Variants in GRM4 observed in about 807,000 individuals in gnomAD.
GRM4 encodes glutamate metabotropic receptor 4.
A neutral mutation model predicts 81.7 loss-of-function variants in GRM4; 28 were observed. The observed-to-expected ratio is 0.34, with a 90% CI of 0.25 to 0.47. GRM4 has a LOEUF of 0.47. Ranked by LOEUF, GRM4 falls within the 20% of genes least tolerant of loss-of-function variation. The pLI is 1.00. For missense variants in GRM4, 948 were observed against 1,290.0 expected (o/e 0.73, Z 4.06); for synonymous variants, 488 against 528.8 (o/e 0.92, Z 1.06).
chr6:34,046,197 C>A (rs1446249820), intron 6 of GRM4, among the ~76,000 whole-genome samples: 2 of 152,180 alleles, frequency 1.3e-5, no homozygotes, highest in Non-Finnish European at 2.9e-5. Flanking sequence ...CAAAATCCAC[C>A]ACACAGACAC....
At chr6:34,102,083 C>T (rs1768871201) in intron 2 of GRM4, 2 of 1,535,452 alleles carry the variant, frequency 1.3e-6, no homozygotes, top group Non-Finnish European at 1.7e-6. Flanking sequence ...TCTCTTGGCG[C>T]CATCATGGGG....
chr6:34,088,567 A>C (rs1174680740), intron 3 of GRM4, among the ~76,000 whole-genome samples: 1 of 152,126 alleles, frequency 6.6e-6, no homozygotes, highest in Non-Finnish European at 1.5e-5. Context: ...CTGACCTCTT[A>C]AGCACCTGCC....
In GRM4 at chr6:34,059,537, C is replaced by T. The variant is rs2451360; in HGVS notation, c.873-409G>A. Reference sequence around the variant, plus strand: ...GGCTCATCCACCCCCACATTCCTTGCCCATTCTCACACGCATCCACCATCA... The same window carrying T: ...GGCTCATCCACCCCCACATTCCTTGTCCATTCTCACACGCATCCACCATCA... On this transcript the variant is annotated intron_variant, in intron 4 of 10. Coordinates refer to ENST00000538487, the MANE Select transcript of GRM4 (RefSeq NM_000841.4). The surrounding 1 kb of genome is among the most constrained non-coding windows in gnomAD (Gnocchi z 5.7). 6.3e-3 allele frequency: 1,480 copies of T among 234,774 alleles called. 24 individuals are homozygous for T. Among genetic ancestry groups the T allele is most frequent in the African/African-American group, 0.031 (1,370 of 44,506 alleles). 14.5% of individuals were successfully genotyped at this position (234,774 alleles called of 1,614,324 possible). A position where few individuals can be genotyped will look rare whatever the true frequency, so the allele number is the denominator to read the frequency against.
chr6:34,041,512 C>T (rs1247816286), intron 6 of GRM4, among the ~76,000 whole-genome samples: 1 of 152,200 alleles, frequency 6.6e-6, no homozygotes, highest in Non-Finnish European at 1.5e-5. Flanking sequence ...ATCCTCCTCC[C>T]CTCCCCTCCG....
At chr6:34,146,168 T>C (rs1770924816), upstream of GRM4, 2 of 984,740 alleles carry the variant, frequency 2.0e-6, no homozygotes, top group Admixed American at 6.1e-5. Context: ...GCACGTGGCG[T>C]ATGCCCCCAT....
rs1213771804 is a variant in GRM4 at position 34,070,356 on chromosome 6, T to G, written c.737-8328A>C. Among the ~76,000 whole-genome samples, 3 of 152,102 alleles carry G rather than the reference T, an allele frequency of 2.0e-5. No individual in the cohort carries two copies. The highest frequency in any genetic ancestry group is 4.4e-5 in the Non-Finnish European group (3 of 67,998). Reference sequence around the variant, plus strand: ...TTTACTTTCTCCACCAAGACATCAATTCCTTATCATGAGTGCTCAGGAAAT... The same window carrying G: ...TTTACTTTCTCCACCAAGACATCAAGTCCTTATCATGAGTGCTCAGGAAAT... On this transcript the variant is annotated intron_variant, in intron 3 of 10. Coordinates refer to ENST00000538487, the MANE Select transcript of GRM4 (RefSeq NM_000841.4). This position sits in a 1 kb window ranked among gnomAD's most constrained non-coding sequence, Gnocchi z 4.6.
At chr6:34,103,492 G>C in intron 2 of GRM4, 1 of 1,002,070 alleles carries the variant, frequency 1.0e-6, no homozygotes, top group Non-Finnish European at 1.5e-6. Flanking sequence ...AGCAGGCGGG[G>C]GCGGCGGGCG....
rs139687263 is a variant in GRM4 at position 34,136,014 on chromosome 6, T to C, written c.-363-2155A>G. On this transcript the variant is annotated intron_variant, in intron 1 of 10. Coordinates refer to ENST00000538487, the MANE Select transcript of GRM4 (RefSeq NM_000841.4). This position sits in a 1 kb window ranked among gnomAD's most constrained non-coding sequence, Gnocchi z 4.1. ...GGGGCAGAGATGCTAACTGGCCAGC[T>C]GTGGGTGGGAGAGCCTGCACAGTTA... Among the ~76,000 whole-genome samples the C allele has an allele frequency of 6.6e-6, 1 of 152,200 alleles. No individual in the cohort carries two copies. Among genetic ancestry groups the C allele is most frequent in the Non-Finnish European group, 1.5e-5 (1 of 68,036 alleles).
Position 34,126,403 on chromosome 6 carries a change from C to T in GRM4, c.519+6575G>A, listed in dbSNP as rs187517439. ...CAGTCACCTCTTAGAGAGGGTCCCTCGTTCAGCCCCCACCCCCAACATTTA... is the reference window on the plus strand; with the variant it reads ...CAGTCACCTCTTAGAGAGGGTCCCTTGTTCAGCCCCCACCCCCAACATTTA... On this transcript the variant is annotated intron_variant, in intron 2 of 10. Transcript: ENST00000538487. Among the ~76,000 whole-genome samples, 28 of 152,306 alleles carry T rather than the reference C, an allele frequency of 1.8e-4. No homozygotes were observed. In the East Asian group the frequency reaches 3.9e-3, roughly 21 times the overall value.
chr6:34,122,391 G>A (rs1769846749), intron 2 of GRM4, among the ~76,000 whole-genome samples: 1 of 152,070 alleles, frequency 6.6e-6, no homozygotes, highest in Non-Finnish European at 1.5e-5. Context: ...CCCCGCAACA[G>A]CGCTGCGGGC....
At chr6:34,097,342 CTGTG>C (rs1194877829) in intron 2 of GRM4, among the ~76,000 whole-genome samples, 1 of 150,360 alleles carries the variant, frequency 6.7e-6, no homozygotes, top group African/African-American at 2.4e-5. Flanking sequence ...GTGTGCATGT[CTGTG>C]TGTGTGTGTG....
At position 34,130,137 on chromosome 6, in the gene GRM4, TC is replaced by T. The variant is rs1315641299; in HGVS notation, c.519+2840del. Among the ~76,000 whole-genome samples, 19 of 152,258 alleles carry T rather than the reference TC, an allele frequency of 1.2e-4. No homozygotes were observed. The South Asian group carries it at 2.1e-3, about 17-fold the overall frequency. ...CCCGACCTCCCTCCCCAAAGTTCAA[TC>T]TTTTTGCTTCTGTAAATGGCTTTTA... On this transcript the variant is annotated intron_variant, in intron 2 of 10. Coordinates refer to ENST00000538487, the MANE Select transcript of GRM4 (RefSeq NM_000841.4). This position sits in a 1 kb window ranked among gnomAD's most constrained non-coding sequence, Gnocchi z 4.1.
rs1446877498 is a variant in GRM4 at position 34,022,520 on chromosome 6, C to A, written c.*301G>T. The A allele has an allele frequency of 2.1e-6, 1 of 476,914 alleles. No individual in the cohort carries two copies. The highest frequency in any genetic ancestry group is 2.0e-5 in the African/African-American group (1 of 51,196). 29.5% of individuals were successfully genotyped at this position (476,914 alleles called of 1,614,324 possible). On this transcript the variant is annotated 3_prime_UTR_variant, in exon 11 of 11. Transcript: ENST00000538487. This position sits in a 1 kb window ranked among gnomAD's most constrained non-coding sequence, Gnocchi z 5.6. ...GACAGAGACGAAGGGAGGGAGAGATCTAGCACTGGGGCCCACACGACCTGA... is the reference window on the plus strand; with the variant it reads ...GACAGAGACGAAGGGAGGGAGAGATATAGCACTGGGGCCCACACGACCTGA...
At chr6:34,024,619 AC>A in intron 10 of GRM4, 1 of 455,506 alleles carries the variant, frequency 2.2e-6, no homozygotes, top group African/African-American at 2.0e-5. Flanking sequence ...CCACCATGGG[AC>A]CAGTAGGGAG....
intron 8 of GRM4, 118 bp downstream of exon 8, chr6:34,040,060 C>T: frequency 2.0e-6 from 2 of 988,336 alleles, no homozygotes; most frequent in Middle Eastern, 3.3e-4. Flanking sequence ...AAGCCCCAGC[C>T]TGGCAGCAGC....
intron 6 of GRM4, among the ~76,000 whole-genome samples, chr6:34,045,255 G>A (rs1438385461): frequency 2.0e-5 from 3 of 152,234 alleles, no homozygotes; most frequent in Non-Finnish European, 4.4e-5. Context: ...GACGGCAGCA[G>A]CTTTGGGCTC....
At position 34,129,171 on chromosome 6, in the gene GRM4, C is replaced by T. The variant is rs1770141342; in HGVS notation, c.519+3807G>A. On this transcript the variant is annotated intron_variant, in intron 2 of 10. Coordinates refer to ENST00000538487, the MANE Select transcript of GRM4 (RefSeq NM_000841.4). ...CTGGGATTACAGGCACATGCCACCA[C>T]ACCTGGCTAATTTTTGTATTTTTAG... 2.0e-5 allele frequency among the ~76,000 whole-genome samples: 3 copies of T among 152,112 alleles called. No individual in the cohort carries two copies. The South Asian group carries it at 6.2e-4, about 32-fold the overall frequency.
Position 34,059,251 on chromosome 6 carries a change from C to T in GRM4, c.873-123G>A, listed in dbSNP as rs114990684. The T allele has an allele frequency of 0.015, 12,677 of 820,080 alleles. 237 individuals are homozygous for T. The highest frequency in any genetic ancestry group is 0.059 in the African/African-American group (3,531 of 59,608). The allele number at this position is 820,080 out of a possible 1,614,324, so 50.8% of individuals were successfully genotyped here. Reference sequence around the variant, plus strand: ...AGAAGCCCAGGGTCCACAACTGTCCCAGCACCGATGCTTTCACCCCAAGCC... The same window carrying T: ...AGAAGCCCAGGGTCCACAACTGTCCTAGCACCGATGCTTTCACCCCAAGCC... On this transcript the variant is annotated intron_variant, in intron 4 of 10. Coordinates refer to ENST00000538487, the MANE Select transcript of GRM4 (RefSeq NM_000841.4). The surrounding 1 kb of genome is among the most constrained non-coding windows in gnomAD (Gnocchi z 5.7).
intron 9 of GRM4, among the ~76,000 whole-genome samples, chr6:34,033,428 T>C (rs1339950974): frequency 6.6e-6 from 1 of 151,996 alleles, no homozygotes; most frequent in East Asian, 1.9e-4. Context: ...GCTCCTAAGT[T>C]AGACAAAGTG....
Sources: gnomAD v4.1 joint callset for allele counts (sites outside exome capture counted in the v4.1 genomes callset) on GRCh38, gnomAD v4.1.1 for gene constraint, Gnocchi (gnomAD v3.1) non-coding constraint, MANE v1.5 for transcripts, NCBI Gene and HGNC (gene_info 2026-07-23, HGNC 2026-07-21) for gene names.